RANBP2: variants seen among roughly 807,000 people sequenced by gnomAD.
RANBP2 encodes the protein RAN binding protein 2, also known as E3 SUMO-protein ligase RanBP2.
In RANBP2, 57 loss-of-function variants were observed where a neutral mutation model predicts 303.6. The ratio of observed to expected loss-of-function variants is 0.19; its 90% confidence interval spans 0.15 to 0.23. RANBP2 has a LOEUF of 0.23. RANBP2 is among the 10% of genes least tolerant of loss of function. The pLI is 1.00. For synonymous variants in RANBP2, 1,167 were observed against 1,301.5 expected (o/e 0.90, Z 2.23); for missense variants, 3,138 against 3,780.8 (o/e 0.83, Z 4.46).
intron 20 of RANBP2, 125 bp downstream of exon 20, chr2:108,768,513 T>C: frequency 1.9e-6 from 3 of 1,551,614 alleles, no homozygotes; most frequent in South Asian, 1.2e-5. Flanking sequence ...CCCCAAAATA[T>C]TTGAGCAATT....
chr2:109,561,863 T>C, the RANBP2 span, among the ~76,000 whole-genome samples: 1 of 152,118 alleles, frequency 6.6e-6, no homozygotes, highest in African/African-American at 2.4e-5. Flanking sequence ...AAATTACATA[T>C]CCTTAGCCAG....
At chr2:109,613,808 G>A in the RANBP2 span, 2 of 1,232,960 alleles carry the variant, frequency 1.6e-6, no homozygotes, top group Admixed American at 4.2e-5. Flanking sequence ...CAGGTGCCGC[G>A]CCACCTCGGA....
the RANBP2 span, among the ~76,000 whole-genome samples, chr2:109,638,977 C>T: frequency 2.0e-5 from 3 of 152,200 alleles, no homozygotes; most frequent in African/African-American, 4.8e-5. Context: ...AGCCTGCACC[C>T]AGCAGATGTT....
the RANBP2 span, among the ~76,000 whole-genome samples, chr2:109,112,031 G>A: frequency 4.6e-5 from 7 of 151,956 alleles, no homozygotes; most frequent in South Asian, 2.1e-4. Flanking sequence ...CCAGTGTATC[G>A]TTGTTGGACA....
chr2:109,366,031 A>G, the RANBP2 span, among the ~76,000 whole-genome samples: 1 of 152,216 alleles, frequency 6.6e-6, no homozygotes, highest in Non-Finnish European at 1.5e-5. Context: ...CTGTTATGAA[A>G]CTATTAAATA....
chr2:108,997,440 CAAAAAAA>C, the RANBP2 span, among the ~76,000 whole-genome samples: 7 of 49,954 alleles, frequency 1.4e-4, no homozygotes, highest in South Asian at 1.3e-3. Context: ...GACTCTGTCT[CAAAAAAA>C]AAAAAAAAAA....
At chr2:109,060,763 A>G in the RANBP2 span, among the ~76,000 whole-genome samples, 1 of 152,158 alleles carries the variant, frequency 6.6e-6, no homozygotes, top group African/African-American at 2.4e-5. Context: ...TCTGTAGATT[A>G]TGGTTTTCCT....
intron 23 of RANBP2, among the ~76,000 whole-genome samples, chr2:108,773,443 A>G (rs1677650620): frequency 6.6e-6 from 1 of 151,934 alleles, no homozygotes; most frequent in Admixed American, 6.6e-5. Context: ...CTAATCAGCT[A>G]TGGCCAGGAA....
intron 27 of RANBP2, 45 bp downstream of exon 27, chr2:108,782,446 TC>T (rs1558942632): frequency 6.2e-7 from 1 of 1,613,822 alleles, no homozygotes; most frequent in South Asian, 1.1e-5. Flanking sequence ...TTTGGACTTT[TC>T]TAAAATCTAT....
the RANBP2 span, among the ~76,000 whole-genome samples, chr2:108,949,608 T>C: frequency 6.6e-6 from 1 of 152,148 alleles, no homozygotes; most frequent in African/African-American, 2.4e-5. Flanking sequence ...AAAAATGTGA[T>C]GAGATTTCTC....
chr2:109,230,012 G>C, the RANBP2 span, among the ~76,000 whole-genome samples: 4,784 of 151,810 alleles, frequency 0.032, 217 homozygotes, highest in African/African-American at 0.1. Context: ...ATTTAGTAGA[G>C]ACAGGGTTTC....
chr2:109,052,760 A>G, the RANBP2 span, among the ~76,000 whole-genome samples: 1 of 152,264 alleles, frequency 6.6e-6, no homozygotes, highest in East Asian at 1.9e-4. Context: ...TTGGCCTCCC[A>G]AAGTGCTGGG....
chr2:109,711,208 C>T, the RANBP2 span, among the ~76,000 whole-genome samples: 6 of 152,096 alleles, frequency 3.9e-5, no homozygotes, highest in African/African-American at 1.4e-4. Flanking sequence ...CTGTCTTCAG[C>T]AGCTCCGTCC....
chr2:108,764,065 G>A lies in RANBP2; in HGVS notation c.3526G>A (p.Val1176Ile). The A allele has an allele frequency of 3.1e-6, 5 of 1,614,072 alleles. No individual in the cohort carries two copies. Among genetic ancestry groups the A allele is most frequent in the Non-Finnish European group, 4.2e-6 (5 of 1,179,990 alleles). Residue 1176 changes from valine (V) to isoleucine (I), a missense_variant, in exon 20 of 29, where the codon GTA (valine) becomes ATA (isoleucine). Val to Ile is a conservative substitution (Grantham distance 29). This residue lies in a region of RANBP2 where 403 missense variants were observed against 376.7 expected (regional missense o/e 1.07). Coordinates refer to ENST00000283195, the MANE Select transcript of RANBP2 (RefSeq NM_006267.5). ...DDDGPHFEPV[V>I]PLPDKIEVKT... The stretch of plus-strand genomic sequence containing the variant: ...TGACGGTCCTCACTTTGAGCCTGTA[G>A]TACCTCTTCCTGATAAGATTGAAGT...
At chr2:109,222,601 G>A in the RANBP2 span, among the ~76,000 whole-genome samples, 5 of 152,184 alleles carry the variant, frequency 3.3e-5, no homozygotes, top group Non-Finnish European at 7.3e-5. Context: ...TCCACAGCAC[G>A]CGTGTGCCCT....
the RANBP2 span, chr2:108,882,369 A>T: frequency 6.6e-6 from 1 of 152,204 alleles, no homozygotes; most frequent in African/African-American, 2.4e-5. Context: ...GTAAAGTTGA[A>T]GTGCAACAAA....
the RANBP2 span, among the ~76,000 whole-genome samples, chr2:109,214,473 GA>G: frequency 0.1 from 12,970 of 130,110 alleles, 755 homozygotes; most frequent in East Asian, 0.35. Flanking sequence ...ATAGAAAAGA[GA>G]AAAAAAAAAA....
At chr2:109,152,174 T>G in the RANBP2 span, among the ~76,000 whole-genome samples, 6 of 152,232 alleles carry the variant, frequency 3.9e-5, no homozygotes, top group African/African-American at 1.4e-4. Context: ...CTAGGAAAAG[T>G]GCTCAGCGTC....
chr2:108,793,438 C>T, the RANBP2 span, among the ~76,000 whole-genome samples: 6 of 152,122 alleles, frequency 3.9e-5, no homozygotes, highest in African/African-American at 1.4e-4. Context: ...GCAAGGATAT[C>T]AAGCAAGAGG....
Sources: allele counts gnomAD v4.1 joint callset (sites outside exome capture counted in the v4.1 genomes callset), GRCh38; gene constraint gnomAD v4.1.1; regional missense constraint gnomAD v4.1.1; transcripts MANE v1.5; gene names NCBI Gene and HGNC (gene_info 2026-07-23, HGNC 2026-07-21).